Variants in CEP83 observed in about 807,000 individuals in gnomAD.
The protein encoded by CEP83 is centrosomal protein of 83 kDa.
A neutral mutation model predicts 101.9 loss-of-function variants in CEP83; 70 were observed. That is an observed-to-expected ratio of 0.69 (90% CI 0.57 to 0.84). The LOEUF (loss-of-function observed/expected upper bound fraction) is 0.84, where lower values mean the gene tolerates loss of function less well. Ranked by LOEUF, CEP83 falls within the 40% of genes least tolerant of loss-of-function variation. CEP83 has a pLI of 0.00. For synonymous variants in CEP83, 264 were observed against 267.9 expected (o/e 0.99, Z 0.14); for missense variants, 715 against 787.2 (o/e 0.91, Z 1.10).
chr12:94,301,246 G>GA, the CEP83 span, among the ~76,000 whole-genome samples: 22 of 152,078 alleles, frequency 1.4e-4, no homozygotes, highest in Admixed American at 1.4e-3. Flanking sequence ...TTTTTAAAGT[G>GA]AAAAACAAAA....
At chr12:94,334,734 G>T (rs1043511638) in intron 12 of CEP83, among the ~76,000 whole-genome samples, 1 of 151,972 alleles carries the variant, frequency 6.6e-6, no homozygotes, top group Non-Finnish European at 1.5e-5. Context: ...AAAACTAAAC[G>T]GTATGTCTCA....
intron 1 of CEP83, among the ~76,000 whole-genome samples, chr12:94,457,350 A>C (rs1332198745): frequency 6.6e-6 from 1 of 152,216 alleles, no homozygotes; most frequent in Non-Finnish European, 1.5e-5. Flanking sequence ...TATGGAACCT[A>C]ATATGTATGA....
At chr12:94,424,233 T>C (rs2065009412) in intron 2 of CEP83, 2 of 1,613,328 alleles carry the variant, frequency 1.2e-6, no homozygotes, top group South Asian at 2.2e-5. Context: ...AAGGCCATGA[T>C]GCCCATGTCT....
chr12:94,395,110 C>T (rs188061299), intron 6 of CEP83, among the ~76,000 whole-genome samples: 16 of 152,212 alleles, frequency 1.1e-4, no homozygotes, highest in Non-Finnish European at 1.8e-4. Flanking sequence ...ATCCAGCAAT[C>T]CCATTATTGG....
At chr12:94,438,183 C>T (rs749657244) in intron 1 of CEP83, among the ~76,000 whole-genome samples, 2 of 151,540 alleles carry the variant, frequency 1.3e-5, no homozygotes, top group East Asian at 3.9e-4. Context: ...CATGTCATTG[C>T]ACTCTAGCCT....
chr12:94,400,288 C>T (rs565962905), intron 6 of CEP83, among the ~76,000 whole-genome samples: 2 of 151,950 alleles, frequency 1.3e-5, no homozygotes, highest in South Asian at 2.1e-4. Flanking sequence ...AACCACAAAA[C>T]GAGTAGAAAG....
At chr12:94,421,525 AT>A (rs543699860) in intron 2 of CEP83, among the ~76,000 whole-genome samples, 6 of 152,268 alleles carry the variant, frequency 3.9e-5, no homozygotes, top group African/African-American at 7.2e-5. Context: ...TGTAATATTC[AT>A]TTTTTAAAAA....
At chr12:94,354,108 A>G (rs976114847) in intron 11 of CEP83, among the ~76,000 whole-genome samples, 1 of 152,192 alleles carries the variant, frequency 6.6e-6, no homozygotes, top group Non-Finnish European at 1.5e-5. Context: ...ATAGATTTAA[A>G]CTACACTGTA....
At chr12:94,335,706 T>TG in intron 11 of CEP83, 42 bp from the exon 12 acceptor site, 1 of 1,286,428 alleles carries the variant, frequency 7.8e-7, no homozygotes, top group Non-Finnish European at 1.1e-6. Flanking sequence ...TAAGAATCCA[T>TG]GATTCATTTA....
rs2068016332 is a variant in CEP83 at position 94,459,840 on chromosome 12, C to T, written c.-438G>A. On this transcript the variant is annotated 5_prime_UTR_variant, in exon 1 of 17. Coordinates refer to ENST00000397809, the MANE Select transcript of CEP83 (RefSeq NM_016122.3). Reference sequence around the variant, plus strand: ...GCGGCGGCGGTGAAAAGCCCCACTCCTCCGCGTGGACCGGGATCCTCAGGG... The same window carrying T: ...GCGGCGGCGGTGAAAAGCCCCACTCTTCCGCGTGGACCGGGATCCTCAGGG... 1.3e-5 allele frequency: 2 copies of T among 153,726 alleles called. No individual in the cohort carries two copies. Among genetic ancestry groups the T allele is most frequent in the Non-Finnish European group, 2.9e-5 (2 of 69,088 alleles). The allele number at this position is 153,726 out of a possible 1,614,324, so 9.5% of individuals were successfully genotyped here. A position where few individuals can be genotyped will look rare whatever the true frequency, so the allele number is the denominator to read the frequency against.
At chr12:94,411,896 A>G (rs764185769) in intron 3 of CEP83, 49 bp from the exon 4 acceptor site, 1 of 1,449,986 alleles carries the variant, frequency 6.9e-7, no homozygotes, top group South Asian at 1.2e-5. Context: ...CTTTCTTTCT[A>G]ATTGCATTAC....
At chr12:94,409,617 G>A (rs1188809293) in intron 4 of CEP83, among the ~76,000 whole-genome samples, 1 of 152,148 alleles carries the variant, frequency 6.6e-6, no homozygotes, top group Admixed American at 6.5e-5. Flanking sequence ...TCGTTTCCTA[G>A]GTTGCCATAA....
intron 8 of CEP83, among the ~76,000 whole-genome samples, chr12:94,371,294 AAATG>A (rs1428592308): frequency 2.0e-5 from 3 of 152,366 alleles, no homozygotes; most frequent in African/African-American, 7.2e-5. Flanking sequence ...AAGAGGCAAG[AAATG>A]AATAAACGGA....
At chr12:94,344,344 C>T (rs983737690) in intron 11 of CEP83, among the ~76,000 whole-genome samples, 1 of 152,044 alleles carries the variant, frequency 6.6e-6, no homozygotes, top group Non-Finnish European at 1.5e-5. Context: ...AATACTCTTA[C>T]CAATAAGAAT....
intron 11 of CEP83, among the ~76,000 whole-genome samples, chr12:94,349,824 C>T (rs2060120867): frequency 1.3e-5 from 2 of 151,966 alleles, no homozygotes; most frequent in African/African-American, 4.8e-5. Flanking sequence ...AATACAAAGC[C>T]AACAAACAAA....
chr12:94,331,916 A>G lies in CEP83; in HGVS notation c.1578-87T>C, dbSNP rs2059242659. The G allele has an allele frequency of 4.3e-6, 5 of 1,176,136 alleles. No homozygotes were observed. The East Asian group carries it at 1.2e-4, about 28-fold the overall frequency. 72.9% of individuals were successfully genotyped at this position (1,176,136 alleles called of 1,614,324 possible). A position where few individuals can be genotyped will look rare whatever the true frequency, so the allele number is the denominator to read the frequency against. On this transcript the variant is annotated intron_variant, in intron 13 of 16. Coordinates refer to ENST00000397809, the MANE Select transcript of CEP83 (RefSeq NM_016122.3). The stretch of plus-strand genomic sequence containing the variant: ...TATCACAAGTATAAGCAAACTCACT[A>G]CCTGTCTGACCACATTCTTAATTAT...
intron 1 of CEP83, among the ~76,000 whole-genome samples, chr12:94,452,049 T>G (rs2067294051): frequency 6.6e-6 from 1 of 152,138 alleles, no homozygotes; most frequent in Non-Finnish European, 1.5e-5. Context: ...ATACATACAT[T>G]AAATAAACCT....
downstream of CEP83, chr12:94,305,326 C>T (rs372041593): frequency 1.1e-4 from 134 of 1,266,864 alleles, no homozygotes; most frequent in Admixed American, 7.4e-4. Context: ...GTTCTTCAGA[C>T]GACTTGGGAG....
At chr12:94,397,917 T>G in intron 6 of CEP83, among the ~76,000 whole-genome samples, 1 of 152,238 alleles carries the variant, frequency 6.6e-6, no homozygotes, top group Non-Finnish European at 1.5e-5. Context: ...TTGCAGTTGC[T>G]GGATGGCCCA....
Sources: allele counts gnomAD v4.1 joint callset (sites outside exome capture counted in the v4.1 genomes callset), GRCh38; gene constraint gnomAD v4.1.1; transcripts MANE v1.5; gene names NCBI Gene and HGNC (gene_info 2026-07-23, HGNC 2026-07-21).